Variants in UNC13C observed in about 807,000 individuals in gnomAD.
UNC13C encodes unc-13 homolog C, also known as protein unc-13 homolog C.
A neutral mutation model predicts 245.4 loss-of-function variants in UNC13C; 174 were observed. The observed-to-expected ratio is 0.71, with a 90% CI of 0.63 to 0.80. The LOEUF is 0.80. UNC13C is among the 30% of genes least tolerant of loss of function. The probability of loss-of-function intolerance (pLI) is 0.00; values close to 1 mark genes in which losing one functional copy is unlikely to be tolerated. For synonymous variants in UNC13C, 992 were observed against 895.1 expected, an observed-to-expected ratio of 1.11 and a Z score of -1.93; for missense variants, 2,829 against 2,602.9, an observed-to-expected ratio of 1.09 and a Z score of -1.89.
chr15:54,245,180 C>T lies in UNC13C; in HGVS notation c.3229-5045C>T, dbSNP rs2035959635. On this transcript the variant is annotated intron_variant, in intron 7 of 32. Coordinates refer to ENST00000260323, the MANE Select transcript of UNC13C (RefSeq NM_001080534.3). ...CATGTATTTATCAAATTAATTATCT[C>T]ATACCACTCTCATCACTTGTATACA... Among the ~76,000 whole-genome samples, 2 of 152,148 alleles carry T rather than the reference C, an allele frequency of 1.3e-5. 1 individual carries two copies. Among genetic ancestry groups the T allele is most frequent in the South Asian group, 4.1e-4 (2 of 4,822 alleles).
intron 1 of UNC13C, among the ~76,000 whole-genome samples, chr15:54,012,042 G>A (rs1234754636): frequency 6.6e-6 from 1 of 152,162 alleles, no homozygotes; most frequent in Non-Finnish European, 1.5e-5. Flanking sequence ...AAAACTTTGA[G>A]TTCCTACTAA....
At chr15:53,848,311 C>T in the UNC13C span, among the ~76,000 whole-genome samples, 10 of 152,050 alleles carry the variant, frequency 6.6e-5, no homozygotes, top group South Asian at 4.1e-4. Context: ...TCTATAGCTT[C>T]GCCCTCACAA....
intron 19 of UNC13C, among the ~76,000 whole-genome samples, chr15:54,466,061 AT>A (rs956811796): frequency 2.6e-5 from 4 of 152,124 alleles, no homozygotes; most frequent in African/African-American, 7.2e-5. Flanking sequence ...ACTGAAGGTT[AT>A]TACATTTAAT....
chr15:54,042,756 A>G (rs1458664197), intron 2 of UNC13C, among the ~76,000 whole-genome samples: 2 of 152,072 alleles, frequency 1.3e-5, no homozygotes, highest in Non-Finnish European at 2.9e-5. Flanking sequence ...GGGAGGCTGA[A>G]GTAGGAGAAT....
intron 4 of UNC13C, among the ~76,000 whole-genome samples, chr15:54,226,521 G>T (rs755266596): frequency 5.3e-5 from 8 of 152,140 alleles, no homozygotes; most frequent in Non-Finnish European, 1.0e-4. Flanking sequence ...CCTTCTGCTT[G>T]AGTATTGCTT....
intron 19 of UNC13C, among the ~76,000 whole-genome samples, chr15:54,479,171 G>A (rs1892955431): frequency 1.3e-5 from 2 of 151,922 alleles, no homozygotes; most frequent in South Asian, 2.1e-4. Context: ...ATAATCACGG[G>A]GATTATTGAA....
intron 2 of UNC13C, among the ~76,000 whole-genome samples, chr15:54,136,689 G>C (rs2031751122): frequency 6.6e-6 from 1 of 152,050 alleles, no homozygotes; most frequent in African/African-American, 2.4e-5. Flanking sequence ...GGCTTATTGT[G>C]TATGGCTTTT....
In UNC13C at chr15:54,401,961, C is replaced by T. The variant is rs143767662; in HGVS notation, c.4847+8780C>T. Among the ~76,000 whole-genome samples, 146 of 151,868 alleles carry T rather than the reference C, an allele frequency of 9.6e-4. 1 individual carries two copies. Among genetic ancestry groups the T allele is most frequent in the Middle Eastern group, 3.4e-3 (1 of 294 alleles). On this transcript the variant is annotated intron_variant, in intron 18 of 32. Coordinates refer to ENST00000260323, the MANE Select transcript of UNC13C (RefSeq NM_001080534.3). ...TTTTAATTATTTGTAGTTACTTGAG[C>T]CTCTGATTTTTGGAACCAAAGTAGC... is the stretch of plus-strand genomic sequence containing the variant.
At chr15:53,893,377 A>C in the UNC13C span, among the ~76,000 whole-genome samples, 1 of 152,192 alleles carries the variant, frequency 6.6e-6, no homozygotes, top group Non-Finnish European at 1.5e-5. Context: ...CAGAGCTTGA[A>C]TGCTGTGCTG....
chr15:53,890,514 G>A, the UNC13C span, among the ~76,000 whole-genome samples: 23 of 152,294 alleles, frequency 1.5e-4, no homozygotes, highest in Middle Eastern at 3.4e-3. Context: ...TGGGTTGGTA[G>A]ACTACTAATT....
chr15:53,894,399 GT>G, the UNC13C span, among the ~76,000 whole-genome samples: 2 of 152,200 alleles, frequency 1.3e-5, no homozygotes, highest in Non-Finnish European at 2.9e-5. Flanking sequence ...GACACCGTAG[GT>G]TGGCTCAACA....
the UNC13C span, among the ~76,000 whole-genome samples, chr15:53,927,481 T>G: frequency 6.6e-6 from 1 of 152,168 alleles, no homozygotes; most frequent in East Asian, 1.9e-4. Context: ...GGACTGACTG[T>G]AGAGTGTAAG....
the UNC13C span, among the ~76,000 whole-genome samples, chr15:53,897,335 C>T: frequency 6.6e-6 from 1 of 152,166 alleles, no homozygotes; most frequent in Non-Finnish European, 1.5e-5. Context: ...GATTAAGATC[C>T]AACCTCCTGA....
the UNC13C span, among the ~76,000 whole-genome samples, chr15:53,861,426 GTGT>G: frequency 8.6e-5 from 13 of 151,226 alleles, no homozygotes; most frequent in Admixed American, 2.0e-4. Context: ...TATTTTTTGC[GTGT>G]TGTTATTTTT....
At chr15:54,569,417 T>G (rs553065245) in intron 30 of UNC13C, among the ~76,000 whole-genome samples, 1 of 152,160 alleles carries the variant, frequency 6.6e-6, no homozygotes, top group Non-Finnish European at 1.5e-5. Context: ...TGTAAATGAT[T>G]GTTATATAGT....
At chr15:54,252,572 A>G (rs559358246) in intron 8 of UNC13C, among the ~76,000 whole-genome samples, 1 of 152,286 alleles carries the variant, frequency 6.6e-6, no homozygotes, top group African/African-American at 2.4e-5. Flanking sequence ...ACTTTCCATG[A>G]TAACTATCAA....
chr15:54,405,276 A>G (rs921687581), intron 18 of UNC13C, among the ~76,000 whole-genome samples: 4 of 152,316 alleles, frequency 2.6e-5, no homozygotes, highest in African/African-American at 9.6e-5. Context: ...GCAGCAGAGG[A>G]GAAATGAAAT....
At chr15:54,460,690 T>C (rs1458050394) in intron 19 of UNC13C, among the ~76,000 whole-genome samples, 1 of 152,256 alleles carries the variant, frequency 6.6e-6, no homozygotes, top group African/African-American at 2.4e-5. Flanking sequence ...TCCAGTTGTC[T>C]TGCAGCATTT....
intron 2 of UNC13C, 98 bp from the exon 3 acceptor site, chr15:54,142,920 T>C (rs1232788398): frequency 1.9e-6 from 2 of 1,031,930 alleles, no homozygotes; most frequent in Non-Finnish European, 1.5e-6. Flanking sequence ...TTTTAAACAA[T>C]GTAACATATT....
Sources: allele counts gnomAD v4.1 joint callset (sites outside exome capture counted in the v4.1 genomes callset), GRCh38; gene constraint gnomAD v4.1.1; transcripts MANE v1.5; gene names NCBI Gene and HGNC (gene_info 2026-07-23, HGNC 2026-07-21).